Variants in MEGF8 observed in about 807,000 individuals in gnomAD.
The protein encoded by MEGF8 is multiple epidermal growth factor-like domains protein 8.
In MEGF8, 156 loss-of-function variants were observed where a neutral mutation model predicts 302.9. The observed-to-expected ratio is 0.52, with a 90% CI of 0.45 to 0.59. The LOEUF (loss-of-function observed/expected upper bound fraction) is 0.59. Among genes scored for constraint, MEGF8 ranks in the 20% least tolerant of loss-of-function variants. MEGF8 has a pLI of 0.00. For synonymous variants in MEGF8, 1,621 were observed against 1,660.5 expected (o/e 0.98, Z 0.58); for missense variants, 3,345 against 3,964.5 (o/e 0.84, Z 4.20).
intron 8 of MEGF8, among the ~76,000 whole-genome samples, chr19:42,338,897 G>C (rs1163660378): frequency 4.8e-5 from 7 of 144,882 alleles, no homozygotes; most frequent in African/African-American, 1.8e-4. Context: ...TGCAGTGGCG[G>C]GATCTCGGCT....
chr19:42,348,485 G>A lies in MEGF8; in HGVS notation c.2298+13G>A, dbSNP rs1157753140. The stretch of plus-strand genomic sequence containing the variant: ...CACGGAGAACATGGTGAGGCCGCCT[G>A]GGACATTCAGGGGGTTGTTTATGGT... On this transcript the variant is annotated intron_variant, in intron 13 of 41. Transcript: ENST00000251268. 3 of 1,503,948 alleles carry A rather than the reference G, an allele frequency of 2.0e-6. No homozygotes were observed. The highest frequency in any genetic ancestry group is 1.2e-5 in the South Asian group (1 of 80,774). 93.2% of individuals were successfully genotyped at this position (1,503,948 alleles called of 1,614,324 possible).
chr19:42,370,168 T>A, intron 38 of MEGF8, 21 bp from the exon 39 acceptor site: 1 of 1,599,328 alleles, frequency 6.3e-7, no homozygotes, highest in African/African-American at 1.3e-5. Context: ...CCTCTCTAAC[T>A]ACCCTGTCCT....
In MEGF8 at chr19:42,333,699, G is replaced by A. The variant is rs1259070118; in HGVS notation, c.282G>A (p.Pro94=). The change falls in exon 2 of 42, where the codon CCG becomes CCA. Residue 94 remains proline, a synonymous_variant. Coordinates refer to ENST00000251268, the MANE Select transcript of MEGF8 (RefSeq NM_001271938.2). ...TGTTCGTGTATGACGGTGACTCCCC[G>A]CGAGGGCCGCTGCTTGCCAGTCTAA... The part of the protein sequence containing the change: ...DYLFVYDGDS[P]RGPLLASLSG... The A allele has an allele frequency of 5.0e-6, 8 of 1,613,820 alleles. No homozygotes were observed. The highest frequency in any genetic ancestry group is 4.0e-5 in the African/African-American group (3 of 74,896).
Position 42,370,794 on chromosome 19 carries a change from C to G in MEGF8, c.7099C>G (p.Leu2367Val). Reference protein sequence around the residue: ...NSYGEKCESCLQGYFLLDGKC... With the variant: ...NSYGEKCESCVQGYFLLDGKC... ...CTATGGGGAGAAATGCGAGAGCTGC[C>G]TGCAGGGCTACTTCCTCCTGGACGG... Residue 2367 changes from leucine to valine, a missense_variant, in exon 40 of 42, where the codon CTG becomes GTG. Leu to Val is a conservative substitution (Grantham distance 32, BLOSUM62 1). Coordinates refer to ENST00000251268, the MANE Select transcript of MEGF8 (RefSeq NM_001271938.2). The G allele has an allele frequency of 1.4e-6, 2 of 1,439,134 alleles. No individual in the cohort carries two copies. Among genetic ancestry groups the G allele is most frequent in the Non-Finnish European group, 1.9e-6 (2 of 1,055,114 alleles). 89.1% of individuals were successfully genotyped at this position (1,439,134 alleles called of 1,614,324 possible).
chr19:42,360,923 G>T lies in MEGF8; in HGVS notation c.5637G>T (p.Leu1879=). 1.9e-6 allele frequency: 3 copies of T among 1,612,012 alleles called. No homozygotes were observed. The highest frequency in any genetic ancestry group is 2.5e-6 in the Non-Finnish European group (3 of 1,178,930). Residue 1879 remains leucine, a synonymous_variant, in exon 32 of 42, where the codon CTG becomes CTT. Transcript: ENST00000251268. ...CCCTGCCCCCTGACCCCTGCCGCCT[G>T]CTGTCCTCACCTGAAGCTTGTAACC... is the stretch of plus-strand genomic sequence containing the variant. ...ALTLPPDPCR[L]LSSPEACNQS...
chr19:42,352,935 G>A lies in MEGF8; in HGVS notation c.3358G>A (p.Glu1120Lys), dbSNP rs1377543834. 1 of 1,595,812 alleles carries A rather than the reference G, an allele frequency of 6.3e-7. No individual in the cohort carries two copies. Among genetic ancestry groups the A allele is most frequent in the Non-Finnish European group, 8.5e-7 (1 of 1,172,060 alleles). Residue 1120 changes from glutamate (E) to lysine (K), a missense_variant, in exon 20 of 42, where the codon GAG becomes AAG. Coordinates refer to ENST00000251268, the MANE Select transcript of MEGF8 (RefSeq NM_001271938.2). The surrounding 1 kb of genome is among the most constrained non-coding windows in gnomAD (Gnocchi z 4.4). The part of the protein sequence containing the change: ...GISHCNRTCL[E>K]DCGHGVCSGP... ...CCCAACACGGCCCCTCAGGTGCTTGGAGGACTGTGGCCATGGTGTGTGCAG... is the reference window on the plus strand; with the variant it reads ...CCCAACACGGCCCCTCAGGTGCTTGAAGGACTGTGGCCATGGTGTGTGCAG...
Position 42,351,783 on chromosome 19 carries a change from GGCAGGGT to G in MEGF8, c.3101+25_3101+31del, listed in dbSNP as rs1340881706. The G allele has an allele frequency of 6.4e-7, 1 of 1,550,556 alleles. No individual in the cohort carries two copies. The highest frequency in any genetic ancestry group is 1.9e-5 in the Admixed American group (1 of 51,550). On this transcript the variant is annotated intron_variant, in intron 18 of 41. Transcript: ENST00000251268. The surrounding 1 kb of genome is among the most constrained non-coding windows in gnomAD (Gnocchi z 5.6). ...GACGGTGAGCCCGGGCAGGTGGGTG[GGCAGGGT>G]GCCCGGCTGTGTCCTTCCTCCATGA...
chr19:42,354,575 T>G lies in MEGF8; in HGVS notation c.4012-13T>G. On this transcript the variant is annotated splice_polypyrimidine_tract_variant and intron_variant, in intron 22 of 41. Transcript: ENST00000251268. This position sits in a 1 kb window ranked among gnomAD's most constrained non-coding sequence, Gnocchi z 4.3. ...CTCATTGTCTCCTAATCCTCGATTCTGCACCCCTCTAGCTGAGCTACGTCC... is the reference window on the plus strand; with the variant it reads ...CTCATTGTCTCCTAATCCTCGATTCGGCACCCCTCTAGCTGAGCTACGTCC... The G allele has an allele frequency of 6.2e-7, 1 of 1,607,802 alleles. No individual in the cohort carries two copies. Among genetic ancestry groups the G allele is most frequent in the Non-Finnish European group, 8.5e-7 (1 of 1,175,940 alleles).
chr19:42,358,373 C>T lies in MEGF8; in HGVS notation c.5175+66C>T. ...GAGGGAGGGGTCCTCTTTCCCAGTG[C>T]CCCAGGGACTGGCTCCATCCCAGAT... On this transcript the variant is annotated intron_variant, in intron 29 of 41. Transcript: ENST00000251268. The surrounding 1 kb of genome is among the most constrained non-coding windows in gnomAD (Gnocchi z 4.4). 1 of 1,506,722 alleles carries T rather than the reference C, an allele frequency of 6.6e-7. No individual in the cohort carries two copies. The highest frequency in any genetic ancestry group is 8.9e-7 in the Non-Finnish European group (1 of 1,129,694). 93.3% of individuals were successfully genotyped at this position (1,506,722 alleles called of 1,614,324 possible).
Position 42,343,595 on chromosome 19 carries a change from G to GT in MEGF8, c.1632_1633insT (p.Val545CysfsTer12). The GT allele has an allele frequency of 6.2e-7, 1 of 1,612,254 alleles. No individual in the cohort carries two copies. Among genetic ancestry groups the GT allele is most frequent in the East Asian group, 2.2e-5 (1 of 44,840 alleles). ...CCCGTGGGGACTTGATGGCGTACAA[G>GT]GTGCCCCCCTTTGTGTTCCAGGCAC... On this transcript the variant is annotated frameshift_variant, in exon 9 of 42. Coordinates refer to ENST00000251268, the MANE Select transcript of MEGF8 (RefSeq NM_001271938.2). LOFTEE classifies it high-confidence loss of function.
In MEGF8 at chr19:42,353,964, C is replaced by T. The variant is rs139891048; in HGVS notation, c.3951C>T (p.Pro1317=). 8.8e-5 allele frequency: 139 copies of T among 1,582,340 alleles called. 1 individual carries two copies. The highest frequency in any genetic ancestry group is 9.8e-5 in the Non-Finnish European group (114 of 1,164,620). Residue 1317 remains proline, a synonymous_variant, in exon 22 of 42, where the codon CCC becomes CCT. Coordinates refer to ENST00000251268, the MANE Select transcript of MEGF8 (RefSeq NM_001271938.2). The surrounding 1 kb of genome is among the most constrained non-coding windows in gnomAD (Gnocchi z 6.1). The part of the protein sequence containing the change: ...SATEELQPCA[P]GTLCPPLTLT... ...CTGAGGAGCTACAGCCCTGTGCTCCCGGGACCCTCTGTCCCCCACTCACCC... is the reference window on the plus strand; with the variant it reads ...CTGAGGAGCTACAGCCCTGTGCTCCTGGGACCCTCTGTCCCCCACTCACCC...
At chr19:42,343,297 A>G (rs568148409) in intron 8 of MEGF8, among the ~76,000 whole-genome samples, 180 bp from the exon 9 acceptor site, 5 of 152,270 alleles carry the variant, frequency 3.3e-5, no homozygotes, top group Non-Finnish European at 7.4e-5. Context: ...TGATTTGGGT[A>G]GGGGCGAGGG....
intron 35 of MEGF8, among the ~76,000 whole-genome samples, chr19:42,367,148 T>C (rs1448628223): frequency 6.6e-6 from 1 of 152,196 alleles, no homozygotes; most frequent in African/African-American, 2.4e-5. Context: ...GTGCACGTTT[T>C]TGGGGTCCTG....
In MEGF8 at chr19:42,335,036, C is replaced by T; in HGVS notation, c.560C>T (p.Pro187Leu). 2 of 1,611,260 alleles carry T rather than the reference C, an allele frequency of 1.2e-6. No homozygotes were observed. The highest frequency in any genetic ancestry group is 1.7e-6 in the Non-Finnish European group (2 of 1,178,614). Residue 187 changes from proline (P) to leucine (L), a missense_variant and splice_region_variant, in exon 4 of 42, where the codon CCC becomes CTC. Physicochemically the swap from Pro to Leu is moderately conservative, Grantham distance 98. Transcript: ENST00000251268. ...YCGSHGTCAS[P>L]LGPCRCEPGF... ...GCCTTTATGTCTCCTTTCCCGCAGCCCCTGGGACCATGCCGCTGTGAGCCT... is the reference window on the plus strand; with the variant it reads ...GCCTTTATGTCTCCTTTCCCGCAGCTCCTGGGACCATGCCGCTGTGAGCCT...
Position 42,375,390 on chromosome 19 carries a change from G to A in MEGF8, c.7270-117G>A. On this transcript the variant is annotated intron_variant, in intron 41 of 41. Transcript: ENST00000251268. The surrounding 1 kb of genome is among the most constrained non-coding windows in gnomAD (Gnocchi z 7.1). ...GGGAAGTGACTGGGGCAGTGGGGGTGAGGCCCAGGGCAATGGCTACTTAGC... is the reference window on the plus strand; with the variant it reads ...GGGAAGTGACTGGGGCAGTGGGGGTAAGGCCCAGGGCAATGGCTACTTAGC... 1 of 1,077,274 alleles carries A rather than the reference G, an allele frequency of 9.3e-7. No individual in the cohort carries two copies. Among genetic ancestry groups the A allele is most frequent in the Non-Finnish European group, 1.3e-6 (1 of 769,016 alleles). The allele number at this position is 1,077,274 out of a possible 1,614,324, so 66.7% of individuals were successfully genotyped here. A position where few individuals can be genotyped will look rare whatever the true frequency, so the allele number is the denominator to read the frequency against.
At chr19:42,350,663 G>A (rs901047229) in intron 15 of MEGF8, among the ~76,000 whole-genome samples, 5 of 152,152 alleles carry the variant, frequency 3.3e-5, no homozygotes, top group Admixed American at 2.0e-4. Context: ...TAGGCCTTCA[G>A]GCCTGCCACC....
At chr19:42,350,000 C>T (rs1317555273) in intron 14 of MEGF8, 148 bp from the exon 15 acceptor site, 15 of 674,966 alleles carry the variant, frequency 2.2e-5, no homozygotes, top group African/African-American at 5.4e-5. Flanking sequence ...TCCTCCAGAC[C>T]TTGGACCTCT....
intron 1 of MEGF8, among the ~76,000 whole-genome samples, chr19:42,328,420 G>A (rs1466863842): frequency 1.3e-5 from 2 of 152,136 alleles, no homozygotes; most frequent in African/African-American, 4.8e-5. Context: ...AGCAGGGAGA[G>A]GACATGATCT....
Position 42,357,288 on chromosome 19 carries a change from G to T in MEGF8, c.4831-116G>T. ...AGGCTGGTCCGACTGGCCCTGGGGG[G>T]GTCATTCCCTCCTTAGTACTTCAGG... On this transcript the variant is annotated intron_variant, in intron 27 of 41. Transcript: ENST00000251268. This position sits in a 1 kb window ranked among gnomAD's most constrained non-coding sequence, Gnocchi z 5.2. 11 of 1,295,356 alleles carry T rather than the reference G, an allele frequency of 8.5e-6. No individual in the cohort carries two copies. The highest frequency in any genetic ancestry group is 1.2e-5 in the Non-Finnish European group (11 of 937,290). The allele number at this position is 1,295,356 out of a possible 1,614,324, so 80.2% of individuals were successfully genotyped here. A position where few individuals can be genotyped will look rare whatever the true frequency, so the allele number is the denominator to read the frequency against.
Sources: allele counts gnomAD v4.1 joint callset (sites outside exome capture counted in the v4.1 genomes callset), GRCh38; gene constraint gnomAD v4.1.1; non-coding constraint Gnocchi (gnomAD v3.1); transcripts MANE v1.5; gene names NCBI Gene and HGNC (gene_info 2026-07-23, HGNC 2026-07-21).